The following CDH13 variants were observed in gnomAD, a reference collection of about 807,000 sequenced individuals.
CDH13 encodes cadherin 13, also known as cadherin-13.
CDH13 carries 24 observed loss-of-function variants against 63.8 expected under a neutral mutation model. That is an observed-to-expected ratio of 0.38 (90% CI 0.27 to 0.53). CDH13 has a LOEUF of 0.53. Among genes scored for constraint, CDH13 ranks in the 20% least tolerant of loss-of-function variants. The pLI is 0.85. For synonymous variants in CDH13, 503 were observed against 355.3 expected (o/e 1.42, Z -4.67); for missense variants, 1,049 against 903.1 (o/e 1.16, Z -2.07).
chr16:83,029,768 G>C (rs188166184), intron 2 of CDH13, among the ~76,000 whole-genome samples: 94 of 152,132 alleles, frequency 6.2e-4, no homozygotes, highest in African/African-American at 2.1e-3. Flanking sequence ...GTCATGTTAT[G>C]GCCTGGTTGC....
intron 3 of CDH13, among the ~76,000 whole-genome samples, chr16:83,035,080 C>T (rs1051308537): frequency 4.8e-5 from 7 of 146,350 alleles, no homozygotes; most frequent in Non-Finnish European, 8.9e-5. Flanking sequence ...TTCATAAAAA[C>T]GCCTCAAAAA....
chr16:83,241,538 G>A (rs563869714), intron 5 of CDH13, among the ~76,000 whole-genome samples: 57 of 152,156 alleles, frequency 3.7e-4, no homozygotes, highest in Non-Finnish European at 7.2e-4. Flanking sequence ...GCTTTGTGCA[G>A]TGACACCTCA....
chr16:83,417,537 G>C (rs1381447002), intron 6 of CDH13, among the ~76,000 whole-genome samples: 1 of 152,088 alleles, frequency 6.6e-6, no homozygotes, highest in Non-Finnish European at 1.5e-5. Context: ...TGACACCTCA[G>C]TTGCCATTTG....
At position 83,098,081 on chromosome 16, in the gene CDH13, C is replaced by T. The variant is rs74033138; in HGVS notation, c.367-27304C>T. ...GGATGGTCCAGATAAGAGAGAGCACCGTCTGAAGGGTCTGGCTTATAACAA... is the reference window on the plus strand; with the variant it reads ...GGATGGTCCAGATAAGAGAGAGCACTGTCTGAAGGGTCTGGCTTATAACAA... On this transcript the variant is annotated intron_variant, in intron 3 of 13. Coordinates refer to ENST00000567109, the MANE Select transcript of CDH13 (RefSeq NM_001257.5). Among the ~76,000 whole-genome samples, 1,071 of 152,204 alleles carry T rather than the reference C, an allele frequency of 7.0e-3. 18 individuals carry two copies. The highest frequency in any genetic ancestry group is 0.025 in the African/African-American group (1,037 of 41,532).
intron 3 of CDH13, among the ~76,000 whole-genome samples, chr16:83,079,179 C>G (rs756948062): frequency 6.6e-6 from 1 of 152,178 alleles, no homozygotes; most frequent in African/African-American, 2.4e-5. Context: ...TAGCAGTTTT[C>G]TACAGGAGAA....
intron 1 of CDH13, among the ~76,000 whole-genome samples, chr16:82,673,078 G>A (rs1913484747): frequency 1.5e-5 from 2 of 136,546 alleles, no homozygotes; most frequent in Non-Finnish European, 3.1e-5. Flanking sequence ...CTGGGCTCAA[G>A]CAATCTTTCC....
At chr16:83,295,363 C>T (rs910553096) in intron 5 of CDH13, among the ~76,000 whole-genome samples, 2 of 151,588 alleles carry the variant, frequency 1.3e-5, no homozygotes, top group African/African-American at 4.8e-5. Flanking sequence ...GCAACAAAAG[C>T]AAAAATAAAA....
intron 3 of CDH13, among the ~76,000 whole-genome samples, chr16:83,037,602 C>A (rs992963287): frequency 1.3e-5 from 2 of 152,076 alleles, no homozygotes; most frequent in African/African-American, 2.4e-5. Flanking sequence ...TAGGGAAAGA[C>A]GTCTAGTCAG....
intron 6 of CDH13, among the ~76,000 whole-genome samples, chr16:83,411,819 ATATGTG>A (rs1210319746): frequency 6.6e-6 from 1 of 152,232 alleles, no homozygotes; most frequent in African/African-American, 2.4e-5. Context: ...GGAGCATCTC[ATATGTG>A]TACTGGCATC....
At chr16:83,211,569 G>C (rs1269985843) in intron 4 of CDH13, among the ~76,000 whole-genome samples, 1 of 152,160 alleles carries the variant, frequency 6.6e-6, no homozygotes, top group Non-Finnish European at 1.5e-5. Context: ...AATAGAGGTA[G>C]GCATGGGACT....
chr16:82,642,818 CT>C (rs757913105), intron 1 of CDH13, among the ~76,000 whole-genome samples: 2 of 152,178 alleles, frequency 1.3e-5, no homozygotes, highest in East Asian at 3.9e-4. Flanking sequence ...CTCATAGTGA[CT>C]CTATAAAATA....
At chr16:83,270,277 G>A (rs1479785984) in intron 5 of CDH13, among the ~76,000 whole-genome samples, 1 of 152,130 alleles carries the variant, frequency 6.6e-6, no homozygotes, top group Non-Finnish European at 1.5e-5. Flanking sequence ...CTGTGTTTGG[G>A]TGGAATAAAA....
rs11860476 is a variant in CDH13 at position 82,755,523 on chromosome 16, C to T, written c.46-102839C>T. On this transcript the variant is annotated intron_variant, in intron 1 of 13. Transcript: ENST00000567109. ...TTGGTTATTTCTGATGATGTATCCC[C>T]AATTTTCTGAAATGTTTTAAAACTT... Among the ~76,000 whole-genome samples, 474 of 152,308 alleles carry T rather than the reference C, an allele frequency of 3.1e-3. 7 individuals are homozygous for T. The highest frequency in any genetic ancestry group is 0.011 in the African/African-American group (456 of 41,554).
intron 6 of CDH13, among the ~76,000 whole-genome samples, chr16:83,349,580 G>GTATTAT (rs1567609416): frequency 6.5e-5 from 5 of 76,602 alleles, no homozygotes; most frequent in Non-Finnish European, 7.6e-5. Context: ...AACTTGAGGT[G>GTATTAT]CATTATTATT....
chr16:83,447,638 G>T (rs1398886065), intron 6 of CDH13, among the ~76,000 whole-genome samples: 1 of 151,952 alleles, frequency 6.6e-6, no homozygotes, highest in Non-Finnish European at 1.5e-5. Flanking sequence ...CAGGTCAAGA[G>T]GATCCTGAAA....
chr16:83,503,136 C>G (rs900923715), intron 7 of CDH13, among the ~76,000 whole-genome samples: 1 of 152,198 alleles, frequency 6.6e-6, no homozygotes, highest in African/African-American at 2.4e-5. Flanking sequence ...TTCACATCAT[C>G]AGGTAAGCAA....
At chr16:82,877,901 G>A (rs74032710) in intron 2 of CDH13, among the ~76,000 whole-genome samples, 4,586 of 134,748 alleles carry the variant, frequency 0.034, 220 homozygotes, top group African/African-American at 0.12. Flanking sequence ...AGAGAGGAAG[G>A]TGGAAATACA....
intron 7 of CDH13, among the ~76,000 whole-genome samples, chr16:83,587,081 C>T (rs1362483024): frequency 1.3e-5 from 2 of 152,132 alleles, no homozygotes; most frequent in Admixed American, 6.5e-5. Flanking sequence ...AGCAATAGAA[C>T]TCTAAACCAA....
At chr16:83,368,332 C>G (rs978795142) in intron 6 of CDH13, among the ~76,000 whole-genome samples, 11 of 152,160 alleles carry the variant, frequency 7.2e-5, no homozygotes, top group African/African-American at 2.2e-4. Context: ...AAATCCTCAT[C>G]TATTTGAGCT....
Sources: allele counts gnomAD v4.1 joint callset (sites outside exome capture counted in the v4.1 genomes callset), GRCh38; gene constraint gnomAD v4.1.1; transcripts MANE v1.5; gene names NCBI Gene and HGNC (gene_info 2026-07-23, HGNC 2026-07-21).